The following TENM4 variants were observed in gnomAD, a reference collection of about 807,000 sequenced individuals.
The protein encoded by TENM4 is teneurin transmembrane protein 4.
In TENM4, 82 loss-of-function variants were observed where a neutral mutation model predicts 243.3. That is an observed-to-expected ratio of 0.34 (90% CI 0.28 to 0.40). The LOEUF (loss-of-function observed/expected upper bound fraction) is 0.40, where lower values mean the gene tolerates loss of function less well. TENM4 is among the 10% of genes least tolerant of loss of function. TENM4 has a pLI of 1.00. For missense variants in TENM4, 3,138 were observed against 3,673.3 expected, an observed-to-expected ratio of 0.85 and a Z score of 3.77; for synonymous variants, 1,412 against 1,456.3, an observed-to-expected ratio of 0.97 and a Z score of 0.69.
intron 6 of TENM4, among the ~76,000 whole-genome samples, chr11:78,965,121 G>A (rs1427669180): frequency 6.6e-6 from 1 of 151,964 alleles, no homozygotes; most frequent in Non-Finnish European, 1.5e-5. Context: ...GCTCGCTTAG[G>A]CCTCCCAAAG....
intron 16 of TENM4, among the ~76,000 whole-genome samples, chr11:78,785,085 AG>A (rs2136032137): frequency 6.7e-6 from 1 of 148,162 alleles, no homozygotes; most frequent in South Asian, 2.1e-4. Context: ...TTTTTTAGAT[AG>A]GTGTGGGCTT....
At chr11:78,854,414 T>A in intron 11 of TENM4, 100 bp from the exon 12 acceptor site, 2 of 1,172,502 alleles carry the variant, frequency 1.7e-6, no homozygotes, top group Non-Finnish European at 2.3e-6. Context: ...GAAACACAAA[T>A]AGAGGCAAAA....
intron 1 of TENM4, among the ~76,000 whole-genome samples, chr11:79,334,860 C>A (rs1857122790): frequency 6.6e-6 from 1 of 152,162 alleles, no homozygotes; most frequent in Admixed American, 6.5e-5. Context: ...CTGAATAACA[C>A]CTAAGGGAAA....
intron 1 of TENM4, among the ~76,000 whole-genome samples, chr11:79,335,042 C>T (rs1031285327): frequency 6.6e-6 from 1 of 152,224 alleles, no homozygotes; most frequent in Non-Finnish European, 1.5e-5. Context: ...AAAAATATTC[C>T]TGAAAACTCC....
rs975731924 is a variant in TENM4, at chr11:78,957,928, G to A, written c.494-54405C>T. ...ATCTTCTTCAAACTCCTACTAAGGA[G>A]AAGACAAAAGTAACAGGATCTGATA... On this transcript the variant is annotated intron_variant, in intron 6 of 33. Transcript: ENST00000278550. 2.6e-5 allele frequency among the ~76,000 whole-genome samples: 4 copies of A among 152,004 alleles called. No individual in the cohort carries two copies. In the East Asian group the frequency reaches 7.7e-4, roughly 29 times the overall value.
intron 19 of TENM4, among the ~76,000 whole-genome samples, chr11:78,749,494 G>A (rs1856132153): frequency 1.3e-5 from 2 of 151,970 alleles, no homozygotes; most frequent in Admixed American, 6.6e-5. Flanking sequence ...TCCATTAGAT[G>A]ATCTCTGCTG....
At chr11:79,237,925 T>C (rs1174625478) in intron 2 of TENM4, among the ~76,000 whole-genome samples, 1 of 152,148 alleles carries the variant, frequency 6.6e-6, no homozygotes, top group African/African-American at 2.4e-5. Flanking sequence ...GCCCCCTTCC[T>C]GTCCAGATGT....
At chr11:79,333,545 G>T (rs566870602) in intron 1 of TENM4, among the ~76,000 whole-genome samples, 1 of 152,116 alleles carries the variant, frequency 6.6e-6, no homozygotes, top group Admixed American at 6.5e-5. Flanking sequence ...CCTAACTTAG[G>T]GCTCTCTCCT....
intron 3 of TENM4, among the ~76,000 whole-genome samples, chr11:79,214,740 C>T (rs552414338): frequency 7.9e-5 from 12 of 152,320 alleles, no homozygotes; most frequent in African/African-American, 2.6e-4. Context: ...AGGACCAACA[C>T]ATTTAAGAGT....
rs144377359 is a variant in TENM4, at chr11:78,873,350, T to C, written c.1085-10218A>G. ...AGCCATAGTCATTACTTGGAAGCTA[T>C]ACTGTACCAAGCACTGTGCTGAGTG... On this transcript the variant is annotated intron_variant, in intron 9 of 33. Transcript: ENST00000278550. Among the ~76,000 whole-genome samples the C allele has an allele frequency of 7.2e-5, 11 of 152,342 alleles. No individual in the cohort carries two copies. The East Asian group carries it at 1.7e-3, about 24-fold the overall frequency.
chr11:78,848,415 T>G (rs1858453684), intron 12 of TENM4, among the ~76,000 whole-genome samples: 6 of 152,340 alleles, frequency 3.9e-5, no homozygotes, highest in Middle Eastern at 3.4e-3. Context: ...TGCTGGCTCC[T>G]TATAGCCAGC....
intron 7 of TENM4, among the ~76,000 whole-genome samples, chr11:78,901,793 G>T (rs755688749): frequency 6.6e-6 from 1 of 152,160 alleles, no homozygotes; most frequent in Non-Finnish European, 1.5e-5. Flanking sequence ...AATCACACAC[G>T]ATTTTAAAGG....
chr11:79,237,684 T>TA (rs1327204743), intron 2 of TENM4, among the ~76,000 whole-genome samples: 1 of 151,964 alleles, frequency 6.6e-6, no homozygotes, highest in Non-Finnish European at 1.5e-5. Flanking sequence ...CTCAAAAAAA[T>TA]AAAAAAATAA....
chr11:78,781,421 C>T (rs951989553), intron 16 of TENM4, among the ~76,000 whole-genome samples: 8 of 152,036 alleles, frequency 5.3e-5, no homozygotes, highest in Non-Finnish European at 8.8e-5. Flanking sequence ...TGTGAAAAGC[C>T]GGAGATAATA....
chr11:78,672,097 G>A lies in TENM4; in HGVS notation c.5729C>T (p.Ala1910Val), dbSNP rs577072159. 4.3e-5 allele frequency: 70 copies of A among 1,613,854 alleles called. No homozygotes were observed. Among genetic ancestry groups the A allele is most frequent in the Non-Finnish European group, 5.8e-5 (68 of 1,179,878 alleles). The change falls in exon 31 of 34, where the codon GCG becomes GTG. Residue 1910 changes from alanine (A) to valine (V), a missense_variant. Transcript: ENST00000278550. The part of the protein sequence containing the change: ...IMSERMEYDQ[A>V]GRITSRIFAD... ...GAAGATCCTGGATGTGATGCGGCCC[G>A]CCTGGTCGTATTCCATTCTTTCAGA...
At chr11:79,245,782 A>G (rs1039575194) in intron 2 of TENM4, among the ~76,000 whole-genome samples, 9 of 151,884 alleles carry the variant, frequency 5.9e-5, no homozygotes, top group African/African-American at 2.2e-4. Flanking sequence ...TCTAATACAA[A>G]TACAAAAATT....
At chr11:79,186,501 G>C (rs1285312314) in intron 3 of TENM4, among the ~76,000 whole-genome samples, 2 of 152,184 alleles carry the variant, frequency 1.3e-5, no homozygotes, top group East Asian at 3.8e-4. Flanking sequence ...AAAGGTAAAT[G>C]ACATGCAAAA....
chr11:78,856,831 T>A (rs1016548695), intron 10 of TENM4, among the ~76,000 whole-genome samples: 2 of 152,108 alleles, frequency 1.3e-5, no homozygotes, highest in Non-Finnish European at 2.9e-5. Context: ...AAATATAATA[T>A]CTGTGCTAAA....
In TENM4 at chr11:79,064,922, G is replaced by C. The variant is rs1214438417; in HGVS notation, c.309C>G (p.Pro103=). ...GTLYRTDIGL[P]HCGYSMGAGS... ...CAGCCCCCATGGAGTAGCCGCAGTG[G>C]GGGAGGCCAATGTCTGTCCGGTACA... The change falls in exon 6 of 34, where the codon CCC becomes CCG. Residue 103 remains proline (P), a synonymous_variant. Transcript: ENST00000278550. 8.4e-6 allele frequency: 13 copies of C among 1,540,482 alleles called. No individual in the cohort carries two copies. The highest frequency in any genetic ancestry group is 4.0e-5 in the Admixed American group (2 of 50,432).
Sources: allele counts gnomAD v4.1 joint callset (sites outside exome capture counted in the v4.1 genomes callset), GRCh38; gene constraint gnomAD v4.1.1; transcripts MANE v1.5; gene names NCBI Gene and HGNC (gene_info 2026-07-23, HGNC 2026-07-21).